ZFPM2: variants seen among roughly 807,000 people sequenced by gnomAD.
ZFPM2 encodes the protein zinc finger protein, FOG family member 2.
In ZFPM2, 20 loss-of-function variants were observed where a neutral mutation model predicts 98.6. The ratio of observed to expected loss-of-function variants is 0.20; its 90% confidence interval spans 0.14 to 0.29. The LOEUF (loss-of-function observed/expected upper bound fraction) is 0.29, where lower values mean the gene tolerates loss of function less well. Among genes scored for constraint, ZFPM2 ranks in the 10% least tolerant of loss-of-function variants. ZFPM2 has a pLI of 1.00. For synonymous variants in ZFPM2, 518 were observed against 502.7 expected (o/e 1.03, Z -0.41); for missense variants, 1,310 against 1,388.6 (o/e 0.94, Z 0.90).
chr8:105,484,945 G>A (rs938343322), intron 3 of ZFPM2, among the ~76,000 whole-genome samples: 1 of 152,238 alleles, frequency 6.6e-6, no homozygotes, highest in Non-Finnish European at 1.5e-5. Context: ...TCAGAGATAG[G>A]ACAATATAAA....
chr8:105,568,131 C>T (rs1217059738), intron 4 of ZFPM2, among the ~76,000 whole-genome samples: 1 of 152,058 alleles, frequency 6.6e-6, no homozygotes, highest in Non-Finnish European at 1.5e-5. Context: ...AAAGCTTCAG[C>T]TACTAATTTA....
rs1812475339 is a variant in ZFPM2 at position 105,751,516 on chromosome 8, C to G, written c.533-37202C>G. On this transcript the variant is annotated intron_variant, in intron 5 of 7. Coordinates refer to ENST00000407775, the MANE Select transcript of ZFPM2 (RefSeq NM_012082.4). ...CTCATGACTCACAATCTGCTGCAGC[C>G]TGTGGAACACATACTGTGGAGTCAG... is the stretch of plus-strand genomic sequence containing the variant. Among the ~76,000 whole-genome samples the G allele has an allele frequency of 2.0e-5, 3 of 152,158 alleles. No individual in the cohort carries two copies. In the South Asian group the frequency reaches 6.2e-4, roughly 32 times the overall value.
At chr8:105,607,497 A>T (rs1816220110) in intron 4 of ZFPM2, among the ~76,000 whole-genome samples, 1 of 152,136 alleles carries the variant, frequency 6.6e-6, no homozygotes, top group African/African-American at 2.4e-5. Context: ...GTTTAGATTC[A>T]TAAAAATCTA....
At chr8:105,428,650 T>G (rs991303477) in intron 2 of ZFPM2, among the ~76,000 whole-genome samples, 5 of 152,168 alleles carry the variant, frequency 3.3e-5, no homozygotes, top group African/African-American at 1.2e-4. Context: ...AGCTTCAGCC[T>G]TGTAGAAATG....
At chr8:105,777,316 T>G (rs1008712145) in intron 5 of ZFPM2, among the ~76,000 whole-genome samples, 3 of 152,224 alleles carry the variant, frequency 2.0e-5, no homozygotes, top group African/African-American at 7.2e-5. Flanking sequence ...ATAAAAAGTT[T>G]GCGTTTTCAT....
At chr8:105,753,407 T>G (rs1369175732) in intron 5 of ZFPM2, among the ~76,000 whole-genome samples, 1 of 152,086 alleles carries the variant, frequency 6.6e-6, no homozygotes, top group Non-Finnish European at 1.5e-5. Context: ...ACCAGAAATG[T>G]GATAATTGAA....
intron 5 of ZFPM2, among the ~76,000 whole-genome samples, chr8:105,773,604 A>C (rs1425504227): frequency 6.6e-6 from 1 of 151,716 alleles, no homozygotes; most frequent in African/African-American, 2.4e-5. Flanking sequence ...TACACTATTA[A>C]ATTTTCTAGT....
chr8:105,759,418 A>G lies in ZFPM2; in HGVS notation c.533-29300A>G, dbSNP rs115774931. On this transcript the variant is annotated intron_variant, in intron 5 of 7. Transcript: ENST00000407775. ...TTAGGGCAAGATGCCTTTCCACAAT[A>G]TCCGCTTCACAGACATTCTTCCTGA... Among the ~76,000 whole-genome samples, 920 of 152,152 alleles carry G rather than the reference A, an allele frequency of 6.0e-3. 13 individuals are homozygous for G. The highest frequency in any genetic ancestry group is 0.021 in the African/African-American group (868 of 41,518).
chr8:105,677,575 GT>G lies in ZFPM2; in HGVS notation c.532+43229del, dbSNP rs571998284. On this transcript the variant is annotated intron_variant, in intron 5 of 7. Transcript: ENST00000407775. ...AATTCCATGATCTGTATTGTAGAGG[GT>G]TTTTTTTTTTAAGTAGCTATCTATC... Among the ~76,000 whole-genome samples, 547 of 144,250 alleles carry G rather than the reference GT, an allele frequency of 3.8e-3. 4 individuals carry two copies. Among genetic ancestry groups the G allele is most frequent in the Non-Finnish European group, 5.9e-3 (388 of 65,460 alleles). 94.6% of individuals were successfully genotyped at this position (144,250 alleles called of 152,430 possible).
chr8:105,677,045 A>T (rs552762525), intron 5 of ZFPM2, among the ~76,000 whole-genome samples: 2 of 152,260 alleles, frequency 1.3e-5, no homozygotes, highest in South Asian at 4.1e-4. Context: ...TATATTAGAT[A>T]TTTCACATTG....
At chr8:105,406,607 T>C (rs1331184492) in intron 1 of ZFPM2, among the ~76,000 whole-genome samples, 1 of 152,014 alleles carries the variant, frequency 6.6e-6, no homozygotes, top group African/African-American at 2.4e-5. Flanking sequence ...CACTTGACCC[T>C]TCTCAGGTTT....
intron 3 of ZFPM2, among the ~76,000 whole-genome samples, chr8:105,489,370 ATATT>A (rs1813304882): frequency 6.8e-6 from 1 of 147,070 alleles, no homozygotes; most frequent in Non-Finnish European, 1.5e-5. Context: ...TTATAGGTAT[ATATT>A]TATATATTTA....
intron 5 of ZFPM2, among the ~76,000 whole-genome samples, chr8:105,681,590 T>G (rs1396983604): frequency 1.3e-5 from 2 of 152,158 alleles, no homozygotes; most frequent in African/African-American, 2.4e-5. Context: ...AGTGTTGGAT[T>G]CCTCATATCT....
rs533241678 is a variant in ZFPM2 at position 105,564,430 on chromosome 8, C to T, written c.420+2949C>T. Among the ~76,000 whole-genome samples the T allele has an allele frequency of 5.3e-5, 8 of 151,972 alleles. No homozygotes were observed. In the East Asian group the frequency reaches 1.5e-3, roughly 29 times the overall value. ...AAATGTTTTTCTTTTGAAATAACAT[C>T]CTCTTCCAAAATTTACTTCTGAGTT... On this transcript the variant is annotated intron_variant, in intron 4 of 7. Coordinates refer to ENST00000407775, the MANE Select transcript of ZFPM2 (RefSeq NM_012082.4).
intron 4 of ZFPM2, among the ~76,000 whole-genome samples, chr8:105,564,012 A>G (rs1426742011): frequency 6.6e-6 from 1 of 152,102 alleles, no homozygotes; most frequent in Non-Finnish European, 1.5e-5. Context: ...TTTTTACCAT[A>G]TGCTAAATCG....
chr8:105,425,239 C>T (rs969153612), intron 2 of ZFPM2, among the ~76,000 whole-genome samples: 2 of 151,734 alleles, frequency 1.3e-5, no homozygotes, highest in East Asian at 1.9e-4. Flanking sequence ...AAGAGAGTTG[C>T]GGTAAGACAT....
chr8:105,648,356 T>C (rs1187077190), intron 5 of ZFPM2, among the ~76,000 whole-genome samples: 2 of 152,330 alleles, frequency 1.3e-5, no homozygotes, highest in East Asian at 3.9e-4. Flanking sequence ...GTAGTTTCTT[T>C]TGTTGTGCAG....
chr8:105,622,342 G>C (rs1272617604), intron 4 of ZFPM2, among the ~76,000 whole-genome samples: 2 of 152,000 alleles, frequency 1.3e-5, no homozygotes, highest in Admixed American at 6.6e-5. Flanking sequence ...AATGTGATAG[G>C]ATAGAGAATT....
intron 5 of ZFPM2, among the ~76,000 whole-genome samples, chr8:105,697,957 GAGA>G (rs1811056855): frequency 6.6e-6 from 1 of 152,160 alleles, no homozygotes; most frequent in Non-Finnish European, 1.5e-5. Flanking sequence ...TTCAAACAAG[GAGA>G]AGAAGGGTTA....
Sources: allele counts gnomAD v4.1 joint callset (sites outside exome capture counted in the v4.1 genomes callset), GRCh38; gene constraint gnomAD v4.1.1; transcripts MANE v1.5; gene names NCBI Gene and HGNC (gene_info 2026-07-23, HGNC 2026-07-21).